The following QRFPR variants were observed in gnomAD, a reference collection of about 807,000 sequenced individuals.
The protein encoded by QRFPR is pyroglutamylated RFamide peptide receptor, also known as pyroglutamylated RF-amide peptide receptor.
QRFPR carries 37 observed loss-of-function variants against 31.3 expected under a neutral mutation model. The ratio of observed to expected loss-of-function variants is 1.18; its 90% CI spans 0.91 to 1.56. QRFPR has a LOEUF of 1.56. Ranked by LOEUF, QRFPR falls within the 40% of genes most tolerant of loss-of-function variation. The pLI is 0.00. For missense variants in QRFPR, 542 were observed against 532.5 expected (o/e 1.02, Z -0.18); for synonymous variants, 197 against 192.0 (o/e 1.03, Z -0.22).
intron 1 of QRFPR, among the ~76,000 whole-genome samples, chr4:121,365,439 G>A (rs2110481003): frequency 9.5e-6 from 1 of 105,380 alleles, no homozygotes; most frequent in African/African-American, 3.7e-5. Flanking sequence ...GGGCAACAGA[G>A]CGAGACTCCA....
chr4:121,353,864 T>C (rs985684867), intron 1 of QRFPR, among the ~76,000 whole-genome samples: 1 of 152,132 alleles, frequency 6.6e-6, no homozygotes, highest in East Asian at 1.9e-4. Context: ...TTTACATTTT[T>C]AATCCATTTT....
At chr4:121,365,249 C>G (rs183364913) in intron 1 of QRFPR, among the ~76,000 whole-genome samples, 1 of 145,874 alleles carries the variant, frequency 6.9e-6, no homozygotes, top group African/African-American at 2.6e-5. Flanking sequence ...GTCAGGAGAT[C>G]GAGACTATCC....
rs1373087909 is a variant in QRFPR, at chr4:121,380,863, A to T, written c.-216T>A. On this transcript the variant is annotated 5_prime_UTR_variant, in exon 1 of 6. Coordinates refer to ENST00000394427, the MANE Select transcript of QRFPR (RefSeq NM_198179.3). ...CCACGATAAAGAGGCGGGAAGCCAAAGCACTGGGAGACTCGATCTCAGTGA... is the reference window on the plus strand; with the variant it reads ...CCACGATAAAGAGGCGGGAAGCCAATGCACTGGGAGACTCGATCTCAGTGA... 2 of 532,068 alleles carry T rather than the reference A, an allele frequency of 3.8e-6. No homozygotes were observed. The highest frequency in any genetic ancestry group is 6.6e-6 in the Non-Finnish European group (2 of 303,776). 33.0% of individuals were successfully genotyped at this position (532,068 alleles called of 1,614,324 possible). A position where few individuals can be genotyped will look rare whatever the true frequency, so the allele number is the denominator to read the frequency against.
At chr4:121,347,145 G>T (rs1046112292) in intron 1 of QRFPR, among the ~76,000 whole-genome samples, 2 of 151,880 alleles carry the variant, frequency 1.3e-5, no homozygotes, top group Admixed American at 1.3e-4. Flanking sequence ...AAATCACCTG[G>T]GTTTGGAAAT....
At chr4:121,376,837 CT>C (rs34124987) in intron 1 of QRFPR, among the ~76,000 whole-genome samples, 125,041 of 151,824 alleles carry the variant, frequency 0.82, 52,442 homozygotes, top group Middle Eastern at 0.89. Flanking sequence ...ACTTAACAAA[CT>C]TTTTTTTTTC....
At chr4:121,343,678 A>T (rs1401513843) in intron 1 of QRFPR, among the ~76,000 whole-genome samples, 1 of 152,150 alleles carries the variant, frequency 6.6e-6, no homozygotes, top group Non-Finnish European at 1.5e-5. Flanking sequence ...TTTCTTGCAA[A>T]TTTAATCAGA....
chr4:121,350,359 G>A (rs1397347230), intron 1 of QRFPR, among the ~76,000 whole-genome samples: 5 of 152,258 alleles, frequency 3.3e-5, no homozygotes, highest in Admixed American at 6.5e-5. Context: ...TATTTTCAGC[G>A]AGCGGTGTCT....
rs1036111549 is a variant in QRFPR, at chr4:121,365,944, G to A, written c.340+14364C>T. 2.7e-5 allele frequency among the ~76,000 whole-genome samples: 4 copies of A among 147,412 alleles called. 1 individual carries two copies. Among genetic ancestry groups the A allele is most frequent in the African/African-American group, 1.0e-4 (4 of 39,492 alleles). ...GGGGCCTCTGCATTAGTAGACTTGCGGGCTGGGTTACTTATAGTCAGTGTG... is the reference window on the plus strand; with the variant it reads ...GGGGCCTCTGCATTAGTAGACTTGCAGGCTGGGTTACTTATAGTCAGTGTG... On this transcript the variant is annotated intron_variant, in intron 1 of 5. Transcript: ENST00000394427.
chr4:121,352,990 A>G (rs1725793580), intron 1 of QRFPR, among the ~76,000 whole-genome samples: 1 of 151,944 alleles, frequency 6.6e-6, no homozygotes, highest in Non-Finnish European at 1.5e-5. Context: ...TGCCTGCCAC[A>G]TTTCACTCAA....
At chr4:121,358,488 A>G (rs1725911802) in intron 1 of QRFPR, among the ~76,000 whole-genome samples, 1 of 152,232 alleles carries the variant, frequency 6.6e-6, no homozygotes. Flanking sequence ...ATGATAACTG[A>G]AAAGAATTCC....
intron 1 of QRFPR, among the ~76,000 whole-genome samples, chr4:121,349,650 T>C (rs1207850687): frequency 6.6e-6 from 1 of 152,184 alleles, no homozygotes; most frequent in Non-Finnish European, 1.5e-5. Context: ...TGTGGAAATG[T>C]GCCCTCGTCA....
In QRFPR at chr4:121,342,258, C is replaced by T. The variant is rs1034837761; in HGVS notation, c.341-1648G>A. On this transcript the variant is annotated intron_variant, in intron 1 of 5. Transcript: ENST00000394427. ...TTCTGACTCAGACTGGGACCTACAC[C>T]AACAACTCCCTGGGTTCTCAGGCCT... Among the ~76,000 whole-genome samples the T allele has an allele frequency of 6.6e-5, 10 of 152,132 alleles. No homozygotes were observed. The East Asian group carries it at 1.9e-3, about 29-fold the overall frequency.
chr4:121,367,730 C>A (rs1368889838), intron 1 of QRFPR, among the ~76,000 whole-genome samples: 4 of 150,130 alleles, frequency 2.7e-5, no homozygotes, highest in African/African-American at 9.8e-5. Context: ...CCTCTAGGTG[C>A]CTGGTCCTTT....
At chr4:121,348,356 T>G (rs1232137259) in intron 1 of QRFPR, among the ~76,000 whole-genome samples, 1 of 152,202 alleles carries the variant, frequency 6.6e-6, no homozygotes, top group East Asian at 1.9e-4. Context: ...TTTTTACTAT[T>G]ACATATCAAC....
chr4:121,345,790 C>T (rs1263420325), intron 1 of QRFPR, among the ~76,000 whole-genome samples: 1 of 152,200 alleles, frequency 6.6e-6, no homozygotes, highest in Non-Finnish European at 1.5e-5. Flanking sequence ...CTCCTATCCA[C>T]TCAGCCACCA....
chr4:121,368,049 T>C (rs1726160186), intron 1 of QRFPR, among the ~76,000 whole-genome samples: 1 of 149,766 alleles, frequency 6.7e-6, no homozygotes, highest in African/African-American at 2.5e-5. Context: ...AAATTGGGTA[T>C]TTGAGACAGT....
At chr4:121,341,214 T>A (rs1169276252) in intron 1 of QRFPR, among the ~76,000 whole-genome samples, 1 of 152,252 alleles carries the variant, frequency 6.6e-6, no homozygotes, top group East Asian at 1.9e-4. Flanking sequence ...TTAAAATATT[T>A]GAATGTATTG....
At chr4:121,377,872 T>A (rs1726386625) in intron 1 of QRFPR, among the ~76,000 whole-genome samples, 1 of 152,194 alleles carries the variant, frequency 6.6e-6, no homozygotes. Flanking sequence ...AATTTTTGGC[T>A]CTTAGATTAC....
At chr4:121,344,394 G>A (rs990570283) in intron 1 of QRFPR, among the ~76,000 whole-genome samples, 33 of 152,128 alleles carry the variant, frequency 2.2e-4, no homozygotes, top group African/African-American at 8.0e-4. Flanking sequence ...TTCACACCAA[G>A]CTATAGTATA....
Sources: allele counts gnomAD v4.1 joint callset (sites outside exome capture counted in the v4.1 genomes callset), GRCh38; gene constraint gnomAD v4.1.1; transcripts MANE v1.5; gene names NCBI Gene and HGNC (gene_info 2026-07-23, HGNC 2026-07-21).